The following PRKG1 variants were observed in gnomAD, a reference collection of about 807,000 sequenced individuals.
PRKG1 encodes cGMP-dependent protein kinase 1.
A neutral mutation model predicts 88.1 loss-of-function variants in PRKG1; 35 were observed. The observed-to-expected ratio is 0.40, with a 90% confidence interval of 0.30 to 0.53. PRKG1 has a LOEUF of 0.53. PRKG1 is among the 20% of genes least tolerant of loss of function. The pLI is 0.59. For synonymous variants in PRKG1, 303 were observed against 292.5 expected (o/e 1.04, Z -0.37); for missense variants, 540 against 839.8 (o/e 0.64, Z 4.41).
intron 7 of PRKG1, among the ~76,000 whole-genome samples, chr10:52,102,747 A>G (rs1200530845): frequency 6.6e-6 from 1 of 152,002 alleles, no homozygotes; most frequent in Non-Finnish European, 1.5e-5. Context: ...TGAGGAAGAC[A>G]TAGACGCAGT....
intron 5 of PRKG1, among the ~76,000 whole-genome samples, chr10:51,994,042 A>T (rs1158795936): frequency 6.6e-6 from 1 of 152,098 alleles, no homozygotes; most frequent in East Asian, 1.9e-4. Flanking sequence ...AAACCAGGAG[A>T]CCACATACTT....
chr10:52,155,781 T>A (rs1231929505), intron 8 of PRKG1, among the ~76,000 whole-genome samples: 1 of 141,402 alleles, frequency 7.1e-6, no homozygotes, highest in African/African-American at 2.5e-5. Context: ...CAAAACTAGA[T>A]GATTTCATTT....
chr10:51,938,491 A>G (rs1183790393), intron 5 of PRKG1, among the ~76,000 whole-genome samples: 1 of 151,976 alleles, frequency 6.6e-6, no homozygotes, highest in African/African-American at 2.4e-5. Flanking sequence ...AGACATTTGA[A>G]TTTTACTTTA....
At chr10:51,413,406 C>T (rs904417334) in intron 2 of PRKG1, among the ~76,000 whole-genome samples, 7 of 152,002 alleles carry the variant, frequency 4.6e-5, no homozygotes, top group Admixed American at 2.0e-4. Flanking sequence ...CTCCCTGTCA[C>T]CCAGGCTGGA....
Position 51,899,841 on chromosome 10 carries a change from A to T in PRKG1, c.699-7666A>T, listed in dbSNP as rs760224145. Among the ~76,000 whole-genome samples the T allele has an allele frequency of 8.6e-5, 13 of 151,846 alleles. No homozygotes were observed. In the East Asian group the frequency reaches 1.2e-3, roughly 14 times the overall value. On this transcript the variant is annotated intron_variant, in intron 4 of 17. Coordinates refer to ENST00000373980, the MANE Select transcript of PRKG1 (RefSeq NM_006258.4). The stretch of plus-strand genomic sequence containing the variant: ...GGAACTGAGTGGGTTGTGTTGGATC[A>T]TGCGGTTGCATACCTCATGAGTGGG...
intron 6 of PRKG1, among the ~76,000 whole-genome samples, chr10:52,061,975 G>GA (rs1564452309): frequency 6.6e-6 from 1 of 151,614 alleles, no homozygotes; most frequent in African/African-American, 2.4e-5. Flanking sequence ...ATAAAAGAAA[G>GA]AAAAAAATTG....
chr10:52,198,811 T>TGA (rs1437041101), intron 9 of PRKG1, among the ~76,000 whole-genome samples: 3 of 79,906 alleles, frequency 3.8e-5, no homozygotes, highest in South Asian at 7.9e-4. Flanking sequence ...TTTTGGGGTG[T>TGA]GAGTGTGTGT....
At chr10:51,597,640 G>A (rs370675742) in intron 3 of PRKG1, among the ~76,000 whole-genome samples, 1 of 152,244 alleles carries the variant, frequency 6.6e-6, no homozygotes, top group African/African-American at 2.4e-5. Flanking sequence ...CACTTCAGAA[G>A]CTTCCATACA....
chr10:51,341,974 G>GT (rs1338014463), intron 2 of PRKG1, among the ~76,000 whole-genome samples: 2 of 152,098 alleles, frequency 1.3e-5, no homozygotes, highest in Non-Finnish European at 2.9e-5. Flanking sequence ...CCCCCATGAG[G>GT]TTTTCTGGCC....
intron 3 of PRKG1, among the ~76,000 whole-genome samples, chr10:51,570,761 T>C (rs1177834246): frequency 2.0e-5 from 3 of 151,906 alleles, no homozygotes; most frequent in Admixed American, 2.0e-4. Context: ...AAAATTGATG[T>C]ATAGGGTGTG....
intron 3 of PRKG1, among the ~76,000 whole-genome samples, chr10:51,792,449 C>T (rs944934809): frequency 1.3e-5 from 2 of 152,014 alleles, no homozygotes; most frequent in African/African-American, 4.8e-5. Context: ...AATTCACAGC[C>T]TCCATTACCA....
At chr10:51,017,398 A>T (rs1843081314) in intron 1 of PRKG1, among the ~76,000 whole-genome samples, 1 of 152,200 alleles carries the variant, frequency 6.6e-6, no homozygotes, top group Non-Finnish European at 1.5e-5. Context: ...TGTACCTGCC[A>T]CAGAGAAGAT....
intron 5 of PRKG1, among the ~76,000 whole-genome samples, chr10:52,047,626 CAAAA>C (rs1386938964): frequency 6.6e-6 from 1 of 152,020 alleles, no homozygotes; most frequent in African/African-American, 2.4e-5. Context: ...TTAACAAACA[CAAAA>C]GTCCACAGTC....
chr10:51,591,056 G>A (rs796454772), intron 3 of PRKG1, among the ~76,000 whole-genome samples: 1 of 152,164 alleles, frequency 6.6e-6, no homozygotes, highest in East Asian at 1.9e-4. Flanking sequence ...CACAGTAGGG[G>A]TGTTGTTGAA....
rs1012647293 is a variant in PRKG1 at position 51,967,756 on chromosome 10, G to A, written c.762+60186G>A. Among the ~76,000 whole-genome samples the A allele has an allele frequency of 7.2e-5, 11 of 152,008 alleles. No individual in the cohort carries two copies. The East Asian group carries it at 1.2e-3, about 16-fold the overall frequency. ...TCCTCAGAAAGTTTCCTTCCCTAGCGTCATGGGTTTTTACATGGCTTTTGT... is the reference window on the plus strand; with the variant it reads ...TCCTCAGAAAGTTTCCTTCCCTAGCATCATGGGTTTTTACATGGCTTTTGT... On this transcript the variant is annotated intron_variant, in intron 5 of 17. Coordinates refer to ENST00000373980, the MANE Select transcript of PRKG1 (RefSeq NM_006258.4).
intron 2 of PRKG1, among the ~76,000 whole-genome samples, chr10:51,442,446 G>A (rs1211726334): frequency 6.6e-6 from 1 of 151,876 alleles, no homozygotes; most frequent in Non-Finnish European, 1.5e-5. Flanking sequence ...ATTTGTAATA[G>A]ATTCAGATAT....
intron 4 of PRKG1, among the ~76,000 whole-genome samples, chr10:51,880,166 G>T (rs10999909): frequency 0.35 from 53,419 of 151,738 alleles, 9,799 homozygotes; most frequent in East Asian, 0.57. Flanking sequence ...TTTAAATTAT[G>T]GTTTACATTT....
chr10:51,566,296 C>T (rs2132158626), intron 3 of PRKG1, among the ~76,000 whole-genome samples: 1 of 152,174 alleles, frequency 6.6e-6, no homozygotes, highest in East Asian at 1.9e-4. Flanking sequence ...AAGAATTCCA[C>T]AGTCCCACAA....
At chr10:51,066,240 T>C (rs932826849) in intron 1 of PRKG1, among the ~76,000 whole-genome samples, 2 of 152,132 alleles carry the variant, frequency 1.3e-5, no homozygotes, top group Admixed American at 1.3e-4. Flanking sequence ...AGTCCTTCCT[T>C]GAACATTTTC....
Sources: gnomAD v4.1 joint callset for allele counts (sites outside exome capture counted in the v4.1 genomes callset) on GRCh38, gnomAD v4.1.1 for gene constraint, MANE v1.5 for transcripts, NCBI Gene and HGNC (gene_info 2026-07-23, HGNC 2026-07-21) for gene names.